KLK3: variants seen among roughly 807,000 people sequenced by gnomAD.
KLK3 encodes prostate-specific antigen.
KLK3 carries 23 observed loss-of-function variants against 27.7 expected under a neutral mutation model. The ratio of observed to expected loss-of-function variants is 0.83; its 90% CI spans 0.60 to 1.17. The LOEUF (loss-of-function observed/expected upper bound fraction) is 1.17. KLK3 is among the 50% of genes most tolerant of loss of function. The pLI, the probability that KLK3 is intolerant of heterozygous loss-of-function variation, is 0.00. For synonymous variants in KLK3, 142 were observed against 134.2 expected (o/e 1.06, Z -0.40); for missense variants, 322 against 338.1 (o/e 0.95, Z 0.37).
At chr19:50,859,606 G>T in intron 4 of KLK3, 1 of 1,613,630 alleles carries the variant, frequency 6.2e-7, no homozygotes, top group South Asian at 1.1e-5. Flanking sequence ...CCCTGGAGAG[G>T]AGGTGTCTAG....
At position 50,858,520 on chromosome 19, in the gene KLK3, G is replaced by A. The variant is rs376510386; in HGVS notation, c.555G>A (p.Ala185=). The part of the protein sequence containing the change: ...DLHVISNDVC[A]QVHPQKVTKF... ...ATGTTATTTCCAATGACGTGTGTGCGCAAGTTCACCCTCAGAAGGTGACCA... is the reference window on the plus strand; with the variant it reads ...ATGTTATTTCCAATGACGTGTGTGCACAAGTTCACCCTCAGAAGGTGACCA... The change falls in exon 4 of 5, where the codon GCG becomes GCA. Residue 185 remains alanine (A), a synonymous_variant. Coordinates refer to ENST00000326003, the MANE Select transcript of KLK3 (RefSeq NM_001648.2). The A allele has an allele frequency of 8.7e-5, 140 of 1,614,204 alleles. 1 individual carries two copies. Among genetic ancestry groups the A allele is most frequent in the Middle Eastern group, 1.6e-4 (1 of 6,062 alleles).
Position 50,858,120 on chromosome 19 carries a change from C to T in KLK3, c.298C>T (p.Leu100Phe). 2.5e-6 allele frequency: 4 copies of T among 1,614,162 alleles called. No individual in the cohort carries two copies. Among genetic ancestry groups the T allele is most frequent in the Non-Finnish European group, 3.4e-6 (4 of 1,180,016 alleles). The change falls in exon 3 of 5, where the codon CTC becomes TTC. Residue 100 changes from leucine to phenylalanine, a missense_variant. Transcript: ENST00000326003. ...GGTCAGCCACAGCTTCCCACACCCG[C>T]TCTACGATATGAGCCTCCTGAAGAA... Reference protein sequence around the residue: ...FQVSHSFPHPLYDMSLLKNRF... With the variant: ...FQVSHSFPHPFYDMSLLKNRF...
In KLK3 at chr19:50,859,986, C is replaced by G. The variant is rs549637095; in HGVS notation, c.645C>G (p.Gly215=). The G allele has an allele frequency of 2.0e-5, 33 of 1,612,762 alleles. No individual in the cohort carries two copies. The South Asian group carries it at 3.2e-4, about 16-fold the overall frequency. The part of the protein sequence containing the change: ...GKSTCSGDSG[G]PLVCNGVLQG... ...TTTACCCTTAGGGTGATTCTGGGGGCCCACTTGTCTGTAATGGTGTGCTTC... is the reference window on the plus strand; with the variant it reads ...TTTACCCTTAGGGTGATTCTGGGGGGCCACTTGTCTGTAATGGTGTGCTTC... Residue 215 remains glycine, a synonymous_variant, in exon 5 of 5, where the codon GGC becomes GGG. Coordinates refer to ENST00000326003, the MANE Select transcript of KLK3 (RefSeq NM_001648.2).
In KLK3 at chr19:50,859,392, G is replaced by A. The variant is rs905966201; in HGVS notation, c.631-580G>A. On this transcript the variant is annotated intron_variant, in intron 4 of 4. Transcript: ENST00000326003. Reference sequence around the variant, plus strand: ...AGACTGCAGGGAGGGAGGGCAGCAGGGATGTGGAGGGAGTGATGATGGGGC... The same window carrying A: ...AGACTGCAGGGAGGGAGGGCAGCAGAGATGTGGAGGGAGTGATGATGGGGC... The A allele has an allele frequency of 2.7e-5, 17 of 635,950 alleles. No individual in the cohort carries two copies. The East Asian group carries it at 4.4e-4, about 16-fold the overall frequency. The allele number at this position is 635,950 out of a possible 1,614,324, so 39.4% of individuals were successfully genotyped here.
At chr19:50,856,727 T>C in intron 2 of KLK3, 1 of 276,568 alleles carries the variant, frequency 3.6e-6, no homozygotes. Context: ...TCCCCCTCTC[T>C]CTGTCCTTCT....
Position 50,858,795 on chromosome 19 carries a change from C to T in KLK3, c.630+200C>T, listed in dbSNP as rs966002252. On this transcript the variant is annotated intron_variant, in intron 4 of 4. Coordinates refer to ENST00000326003, the MANE Select transcript of KLK3 (RefSeq NM_001648.2). ...GCAATAGGTTATTCTTACAGCACAA[C>T]TCATCTGTTCCTGCGTTCAGCACAC... The T allele has an allele frequency of 6.3e-6, 4 of 633,392 alleles. No homozygotes were observed. The African/African-American group carries it at 7.3e-5, about 12-fold the overall frequency. The allele number at this position is 633,392 out of a possible 1,614,324, so 39.2% of individuals were successfully genotyped here. A position where few individuals can be genotyped will look rare whatever the true frequency, so the allele number is the denominator to read the frequency against.
chr19:50,858,300 A>G lies in KLK3; in HGVS notation c.478A>G (p.Ile160Val). ...TTCYASGWGS[I>V]EPEEFLTPKK... ...CTGCTACGCCTCAGGCTGGGGCAGC[A>G]TTGAACCAGAGGAGTGTACGCCTGG... is the stretch of plus-strand genomic sequence containing the variant. The change falls in exon 3 of 5, where the codon ATT (isoleucine) becomes GTT (valine). Residue 160 changes from isoleucine (I) to valine (V), a missense_variant. Transcript: ENST00000326003. 2 of 1,613,644 alleles carry G rather than the reference A, an allele frequency of 1.2e-6. No individual in the cohort carries two copies. Among genetic ancestry groups the G allele is most frequent in the South Asian group, 1.1e-5 (1 of 91,026 alleles).
At chr19:50,859,408 A>T in intron 4 of KLK3, 1 of 718,576 alleles carries the variant, frequency 1.4e-6, no homozygotes, top group Non-Finnish European at 2.4e-6. Context: ...GGAGGGAGTG[A>T]TGATGGGGCT....
Position 50,860,401 on chromosome 19 carries a change from T to C in KLK3, c.*274T>C, listed in dbSNP as rs538641946. ...TAGGATGGGGTGTCTGTGTTATTTG[T>C]GGGGTACAGAGATGAAAGAGGGGTG... On this transcript the variant is annotated 3_prime_UTR_variant, in exon 5 of 5. Transcript: ENST00000326003. The C allele has an allele frequency of 2.0e-5, 7 of 343,650 alleles. No individual in the cohort carries two copies. In the East Asian group the frequency reaches 3.6e-4, roughly 18 times the overall value. 21.3% of individuals were successfully genotyped at this position (343,650 alleles called of 1,614,324 possible).
At chr19:50,859,675 G>T in intron 4 of KLK3, 1 of 1,602,154 alleles carries the variant, frequency 6.2e-7, no homozygotes, top group Non-Finnish European at 8.5e-7. Flanking sequence ...GCATCCTGCA[G>T]ATGGTCCTGG....
At position 50,858,245 on chromosome 19, in the gene KLK3, GC is replaced by G; in HGVS notation, c.426del (p.Thr143ProfsTer24). The G allele has an allele frequency of 6.2e-7, 1 of 1,614,202 alleles. No individual in the cohort carries two copies. Among genetic ancestry groups the G allele is most frequent in the South Asian group, 1.1e-5 (1 of 91,086 alleles). On this transcript the variant is annotated frameshift_variant, in exon 3 of 5. Transcript: ENST00000326003. LOFTEE classifies it high-confidence loss of function. ...LTDAVKVMDL[P>X]TQEPALGTTC... is the part of the protein sequence containing the mutation. Reference sequence around the variant, plus strand: ...CGGATGCTGTGAAGGTCATGGACCTGCCCACCCAGGAGCCAGCACTGGGGAC... The same window carrying G: ...CGGATGCTGTGAAGGTCATGGACCTGCCACCCAGGAGCCAGCACTGGGGAC...
Position 50,858,009 on chromosome 19 carries a change from T to C in KLK3, c.207-20T>C, listed in dbSNP as rs1193622533. The stretch of plus-strand genomic sequence containing the variant: ...CCTTATCATCCTCGCTCCTCATTCC[T>C]GCGTCTGCTTCCTCCCCAGCAAAAG... On this transcript the variant is annotated intron_variant, in intron 2 of 4. Coordinates refer to ENST00000326003, the MANE Select transcript of KLK3 (RefSeq NM_001648.2). The C allele has an allele frequency of 1.3e-6, 2 of 1,592,214 alleles. No individual in the cohort carries two copies. Among genetic ancestry groups the C allele is most frequent in the South Asian group, 1.1e-5 (1 of 87,876 alleles).
In KLK3 at chr19:50,858,192, C is replaced by T. The variant is rs201390347; in HGVS notation, c.370C>T (p.Leu124Phe). The change falls in exon 3 of 5, where the codon CTC becomes TTC. Residue 124 changes from leucine (L) to phenylalanine (F), a missense_variant. By Grantham distance (22) the Leu-to-Phe change is conservative. Coordinates refer to ENST00000326003, the MANE Select transcript of KLK3 (RefSeq NM_001648.2). ...GDDSSHDLML[L>F]RLSEPAELTD... Reference sequence around the variant, plus strand: ...TGACTCCAGCCACGACCTCATGCTGCTCCGCCTGTCAGAGCCTGCCGAGCT... The same window carrying T: ...TGACTCCAGCCACGACCTCATGCTGTTCCGCCTGTCAGAGCCTGCCGAGCT... 205 of 1,614,134 alleles carry T rather than the reference C, an allele frequency of 1.3e-4. No homozygotes were observed. Among genetic ancestry groups the T allele is most frequent in the Non-Finnish European group, 1.7e-4 (202 of 1,180,064 alleles).
chr19:50,856,499 C>G, intron 2 of KLK3, 100 bp downstream of exon 2: 1 of 1,431,294 alleles, frequency 7.0e-7, no homozygotes, highest in Non-Finnish European at 9.5e-7. Context: ...AGCCTTGGGA[C>G]TGGGGGAGAG....
At chr19:50,857,791 C>A in intron 2 of KLK3, 1 of 520,008 alleles carries the variant, frequency 1.9e-6, no homozygotes, top group Non-Finnish European at 3.4e-6. Context: ...TCTCTCTGTC[C>A]TTTTACCCTC....
chr19:50,855,974 G>T, intron 1 of KLK3: 1 of 398,698 alleles, frequency 2.5e-6, no homozygotes. Flanking sequence ...GCGCTGTCTT[G>T]TGTCTCCTAC....
rs2123462464 is a variant in KLK3, at chr19:50,859,972, G to A, written c.631G>A (p.Gly211Ser). ...ACTCTCTCCCTGCTTTTACCCTTAG[G>A]GTGATTCTGGGGGCCCACTTGTCTG... ...RWTGGKSTCS[G>S]DSGGPLVCNG... is the part of the protein sequence containing the mutation. The change falls in exon 5 of 5, where the codon GGT (glycine) becomes AGT (serine). Residue 211 changes from glycine (G) to serine (S), a missense_variant and splice_region_variant. Gly to Ser is a moderately conservative substitution (Grantham distance 56, BLOSUM62 0). Transcript: ENST00000326003. The A allele has an allele frequency of 6.2e-7, 1 of 1,611,790 alleles. No individual in the cohort carries two copies. Among genetic ancestry groups the A allele is most frequent in the East Asian group, 2.2e-5 (1 of 44,858 alleles).
In KLK3 at chr19:50,856,344, G is replaced by A. The variant is rs781327047; in HGVS notation, c.151G>A (p.Gly51Ser). ...GGCCTCTCGTGGCAGGGCAGTCTGC[G>A]GCGGTGTTCTGGTGCACCCCCAGTG... Reference protein sequence around the residue: ...LVASRGRAVCGGVLVHPQWVL... With the variant: ...LVASRGRAVCSGVLVHPQWVL... Residue 51 changes from glycine (G) to serine (S), a missense_variant, in exon 2 of 5, where the codon GGC (glycine) becomes AGC (serine). Physicochemically the swap from Gly to Ser is moderately conservative, Grantham distance 56 (BLOSUM62 0). Coordinates refer to ENST00000326003, the MANE Select transcript of KLK3 (RefSeq NM_001648.2). 1.9e-6 allele frequency: 3 copies of A among 1,613,676 alleles called. No homozygotes were observed. The highest frequency in any genetic ancestry group is 1.1e-5 in the South Asian group (1 of 91,054).
chr19:50,859,056 A>G, intron 4 of KLK3: 1 of 223,332 alleles, frequency 4.5e-6, no homozygotes, highest in Non-Finnish European at 8.8e-6. Context: ...GGCGGGAGTG[A>G]GCAAACACCT....
Sources: allele counts gnomAD v4.1 joint callset, GRCh38; gene constraint gnomAD v4.1.1; transcripts MANE v1.5; gene names NCBI Gene and HGNC (gene_info 2026-07-23, HGNC 2026-07-21).